Variants in DNAH12 observed in about 807,000 individuals in gnomAD.
DNAH12 encodes axonemal beta dynein heavy chain 12.
Under a neutral mutation model 371.5 loss-of-function variants are expected in DNAH12, and 285 were observed. The observed-to-expected ratio is 0.77, with a 90% CI of 0.70 to 0.85. The LOEUF (loss-of-function observed/expected upper bound fraction) is 0.85. Ranked by LOEUF, DNAH12 falls within the 40% of genes least tolerant of loss-of-function variation. The pLI, the probability that DNAH12 is intolerant of heterozygous loss-of-function variation, is 0.00. For missense variants in DNAH12, 3,611 were observed against 3,689.4 expected (o/e 0.98, Z 0.55); for synonymous variants, 1,200 against 1,213.0 (o/e 0.99, Z 0.22).
At position 57,489,610 on chromosome 3, in the gene DNAH12, C is replaced by T. The variant is rs973008835; in HGVS notation, c.1413G>A (p.Leu471=). 24 of 1,542,014 alleles carry T rather than the reference C, an allele frequency of 1.6e-5. No homozygotes were observed. Among genetic ancestry groups the T allele is most frequent in the African/African-American group, 4.2e-5 (3 of 72,244 alleles). The change falls in exon 12 of 74, where the codon TTG becomes TTA. Residue 471 remains leucine (L), a synonymous_variant. Transcript: ENST00000495027. ...GGCCTGTCTTCAAATCTTCACAATC[C>T]AAACGCACCATAGTGTAATGAATCC... ...PQWIHYTMVR[L]DCEDLKTGLT...
At chr3:57,410,781 A>C (rs1432297607) in intron 39 of DNAH12, among the ~76,000 whole-genome samples, 1 of 151,510 alleles carries the variant, frequency 6.6e-6, no homozygotes. Flanking sequence ...ACGCCACTAC[A>C]CTCCAGCCTG....
At chr3:57,341,794 C>T (rs574193464) in intron 60 of DNAH12, among the ~76,000 whole-genome samples, 5 of 151,894 alleles carry the variant, frequency 3.3e-5, no homozygotes, top group Admixed American at 2.0e-4. Flanking sequence ...CACGAAAGAC[C>T]GCAAATAGCC....
chr3:57,411,440 AT>A (rs1434840882), intron 39 of DNAH12, among the ~76,000 whole-genome samples: 3 of 149,002 alleles, frequency 2.0e-5, no homozygotes, highest in Non-Finnish European at 3.0e-5. Flanking sequence ...AGGCAGGAGA[AT>A]CTCTTGAACC....
intron 29 of DNAH12, among the ~76,000 whole-genome samples, chr3:57,441,740 T>C (rs1202955526): frequency 1.3e-5 from 2 of 152,052 alleles, no homozygotes; most frequent in Non-Finnish European, 2.9e-5. Context: ...TGCAGTGAGC[T>C]ATGATCATGC....
intron 2 of DNAH12, among the ~76,000 whole-genome samples, chr3:57,525,543 G>A (rs2068615793): frequency 6.6e-6 from 1 of 152,062 alleles, no homozygotes. Flanking sequence ...TGGGTACATA[G>A]TAGGCATATG....
At chr3:57,536,785 A>G (rs957367583) in intron 2 of DNAH12, among the ~76,000 whole-genome samples, 1 of 152,212 alleles carries the variant, frequency 6.6e-6, no homozygotes, top group African/African-American at 2.4e-5. Flanking sequence ...GGTTCTTTAT[A>G]TATGAATGCC....
chr3:57,488,968 G>A (rs567542274), intron 12 of DNAH12, among the ~76,000 whole-genome samples: 12 of 147,870 alleles, frequency 8.1e-5, no homozygotes, highest in South Asian at 4.3e-4. Flanking sequence ...GTGCACGTGC[G>A]TGTGTGTACT....
chr3:57,407,188 C>T (rs548811935), intron 40 of DNAH12, among the ~76,000 whole-genome samples: 7 of 151,850 alleles, frequency 4.6e-5, no homozygotes, highest in South Asian at 2.1e-4. Context: ...TGAGTCACTG[C>T]GCCCAGCCAA....
rs571736749 is a variant in DNAH12, at chr3:57,530,697, C to T, written c.171-6813G>A. On this transcript the variant is annotated intron_variant, in intron 2 of 73. Transcript: ENST00000495027. ...GCAGTTCTTCAATAGCATCTTGGTA[C>T]GGACCAGTTTGTTATTGGACACACT... 45 of 408,336 alleles carry T rather than the reference C, an allele frequency of 1.1e-4. No individual in the cohort carries two copies. The South Asian group carries it at 1.1e-3, about 10-fold the overall frequency. 25.3% of individuals were successfully genotyped at this position (408,336 alleles called of 1,614,324 possible).
At chr3:57,478,442 G>A (rs967818742) in intron 13 of DNAH12, among the ~76,000 whole-genome samples, 10 of 152,144 alleles carry the variant, frequency 6.6e-5, no homozygotes, top group Non-Finnish European at 1.3e-4. Context: ...CCATATCTAC[G>A]TCTGATTGGT....
At chr3:57,522,430 T>C (rs2068484480) in intron 4 of DNAH12, among the ~76,000 whole-genome samples, 1 of 152,102 alleles carries the variant, frequency 6.6e-6, no homozygotes, top group African/African-American at 2.4e-5. Context: ...ATTTGGCAAT[T>C]TGTACATTAA....
At position 57,445,486 on chromosome 3, in the gene DNAH12, T is replaced by C. The variant is rs2065456656; in HGVS notation, c.4180-67A>G. On this transcript the variant is annotated intron_variant, in intron 27 of 73. Transcript: ENST00000495027. Reference sequence around the variant, plus strand: ...AAGCTGTTTTTAAGCTGAGCATAAGTATTCAAAGGTGTGGTGTTGTCAAGT... The same window carrying C: ...AAGCTGTTTTTAAGCTGAGCATAAGCATTCAAAGGTGTGGTGTTGTCAAGT... 2.3e-6 allele frequency: 3 copies of C among 1,303,512 alleles called. No individual in the cohort carries two copies. In the South Asian group the frequency reaches 7.4e-5, roughly 32 times the overall value. The allele number at this position is 1,303,512 out of a possible 1,614,324, so 80.7% of individuals were successfully genotyped here. A position where few individuals can be genotyped will look rare whatever the true frequency, so the allele number is the denominator to read the frequency against.
At chr3:57,415,804 T>C (rs77262704) in intron 37 of DNAH12, among the ~76,000 whole-genome samples, 4 of 150,528 alleles carry the variant, frequency 2.7e-5, no homozygotes, top group Non-Finnish European at 5.9e-5. Context: ...TTTTTTTTTT[T>C]TTGAGACAGA....
chr3:57,513,777 A>C (rs1027000083), intron 4 of DNAH12, among the ~76,000 whole-genome samples: 25 of 152,314 alleles, frequency 1.6e-4, no homozygotes, highest in Middle Eastern at 3.4e-3. Flanking sequence ...TCAGATTGAC[A>C]AAAATTTTTT....
intron 4 of DNAH12, among the ~76,000 whole-genome samples, chr3:57,518,350 C>A (rs1292686760): frequency 1.3e-5 from 2 of 152,022 alleles, no homozygotes; most frequent in Admixed American, 1.3e-4. Context: ...CATGGTGAAA[C>A]CCTGTCTCTA....
intron 2 of DNAH12, among the ~76,000 whole-genome samples, chr3:57,526,356 A>G (rs753301708): frequency 2.0e-5 from 3 of 151,920 alleles, no homozygotes; most frequent in Non-Finnish European, 2.9e-5. Flanking sequence ...ATGGTACTCC[A>G]TTATGTATAT....
intron 13 of DNAH12, among the ~76,000 whole-genome samples, chr3:57,476,444 C>G (rs2317658): frequency 0.67 from 101,598 of 151,922 alleles, 34,218 homozygotes; most frequent in South Asian, 0.75. Flanking sequence ...GGTGCCTGTA[C>G]TCCCAGCTAC....
the DNAH12 span, among the ~76,000 whole-genome samples, chr3:57,555,019 G>A: frequency 2.8e-4 from 42 of 152,114 alleles, no homozygotes; most frequent in Non-Finnish European, 2.9e-5. Flanking sequence ...GGTAAGGCGG[G>A]GGGCTTGCTT....
chr3:57,524,150 T>C (rs1182753726), intron 2 of DNAH12, among the ~76,000 whole-genome samples: 1 of 152,172 alleles, frequency 6.6e-6, no homozygotes, highest in Non-Finnish European at 1.5e-5. Flanking sequence ...TTAATCCCAA[T>C]GAATAGTGGG....
Sources: allele counts gnomAD v4.1 joint callset (sites outside exome capture counted in the v4.1 genomes callset), GRCh38; gene constraint gnomAD v4.1.1; transcripts MANE v1.5; gene names NCBI Gene and HGNC (gene_info 2026-07-23, HGNC 2026-07-21).